The following ZNF791 variants were observed in gnomAD, a reference collection of about 807,000 sequenced individuals.
ZNF791 encodes the protein zinc finger protein 791.
In ZNF791, 4 loss-of-function variants were observed where a neutral mutation model predicts 11.5. That is an observed-to-expected ratio of 0.35 (90% CI 0.17 to 0.80). ZNF791 has a LOEUF of 0.80. Among genes scored for constraint, ZNF791 ranks in the 30% least tolerant of loss-of-function variants. The pLI, the probability that ZNF791 is intolerant of heterozygous loss-of-function variation, is 0.53. For synonymous variants in ZNF791, 212 were observed against 228.1 expected (o/e 0.93, Z 0.64); for missense variants, 559 against 699.4 (o/e 0.80, Z 2.26).
intron 1 of ZNF791, among the ~76,000 whole-genome samples, chr19:12,618,808 AGT>A (rs60468264): frequency 0.11 from 15,762 of 143,462 alleles, 1,092 homozygotes; most frequent in East Asian, 0.34. Context: ...TTTACCTCTC[AGT>A]GTGTGTGTGT....
rs1002904100 is a variant in ZNF791, at chr19:12,631,877, G to C, written c.*2617G>C. ...AGTACTCTTTAAGCAGTGGTCAAAA[G>C]TTTAAAAGGTTGTGTTTTCTCATTA... On this transcript the variant is annotated 3_prime_UTR_variant, in exon 4 of 4. Coordinates refer to ENST00000343325, the MANE Select transcript of ZNF791 (RefSeq NM_153358.3). 6.6e-6 allele frequency: 1 copy of C among 152,118 alleles called. No homozygotes were observed. The highest frequency in any genetic ancestry group is 1.5e-5 in the Non-Finnish European group (1 of 68,018). The allele number at this position is 152,118 out of a possible 1,614,324, so 9.4% of individuals were successfully genotyped here. A position where few individuals can be genotyped will look rare whatever the true frequency, so the allele number is the denominator to read the frequency against.
At chr19:12,615,595 A>C (rs1394389023) in intron 1 of ZNF791, among the ~76,000 whole-genome samples, 3 of 152,084 alleles carry the variant, frequency 2.0e-5, no homozygotes, top group Non-Finnish European at 4.4e-5. Flanking sequence ...CCTGGCCAAC[A>C]TGACAAAACC....
Position 12,628,897 on chromosome 19 carries a change from A to G in ZNF791, c.1368A>G (p.Arg456=). ...GKVFIFPSAL[R]THERTHTGEK... is the part of the protein sequence containing the mutation. ...TGTTCATTTTTCCTAGTGCGTTACG[A>G]ACACATGAAAGAACTCACACTGGAG... Residue 456 remains arginine, a synonymous_variant, in exon 4 of 4, where the codon CGA becomes CGG. Transcript: ENST00000343325. 6.2e-7 allele frequency: 1 copy of G among 1,613,876 alleles called. No individual in the cohort carries two copies. The highest frequency in any genetic ancestry group is 8.5e-7 in the Non-Finnish European group (1 of 1,179,898).
rs1315037306 is a variant in ZNF791, at chr19:12,633,687, G to A, written c.*4427G>A. 3 of 152,104 alleles carry A rather than the reference G, an allele frequency of 2.0e-5. No homozygotes were observed. Among genetic ancestry groups the A allele is most frequent in the Non-Finnish European group, 4.4e-5 (3 of 68,058 alleles). The allele number at this position is 152,104 out of a possible 1,614,324, so 9.4% of individuals were successfully genotyped here. ...CAAGCATCTATTTCAGACTGTCATG[G>A]TTGGCATTGTTCTCTGAGGTTCTGT... On this transcript the variant is annotated 3_prime_UTR_variant, in exon 4 of 4. Coordinates refer to ENST00000343325, the MANE Select transcript of ZNF791 (RefSeq NM_153358.3).
In ZNF791 at chr19:12,630,725, C is replaced by G. The variant is rs995044023; in HGVS notation, c.*1465C>G. ...ACAATGATATTGATGATCCTCACCC[C>G]GTGTAGTCCTACACTAATGTGTGTT... On this transcript the variant is annotated 3_prime_UTR_variant, in exon 4 of 4. Coordinates refer to ENST00000343325, the MANE Select transcript of ZNF791 (RefSeq NM_153358.3). 6.6e-6 allele frequency: 1 copy of G among 151,946 alleles called. No homozygotes were observed. Among genetic ancestry groups the G allele is most frequent in the Non-Finnish European group, 1.5e-5 (1 of 68,026 alleles). The allele number at this position is 151,946 out of a possible 1,614,324, so 9.4% of individuals were successfully genotyped here. A position where few individuals can be genotyped will look rare whatever the true frequency, so the allele number is the denominator to read the frequency against.
intron 1 of ZNF791, among the ~76,000 whole-genome samples, chr19:12,620,766 T>TTC (rs1270122749): frequency 1.3e-4 from 18 of 140,772 alleles, no homozygotes; most frequent in Admixed American, 1.3e-3. Flanking sequence ...TTTTTTTTTT[T>TTC]TTTTTTTTTT....
chr19:12,620,099 ATT>A (rs906233958), intron 1 of ZNF791, among the ~76,000 whole-genome samples: 2 of 149,224 alleles, frequency 1.3e-5, no homozygotes, highest in African/African-American at 4.9e-5. Context: ...AATTTTTTGT[ATT>A]TTTAGTAGAG....
intron 3 of ZNF791, among the ~76,000 whole-genome samples, chr19:12,627,069 T>C (rs1162130790): frequency 6.6e-6 from 1 of 151,438 alleles, no homozygotes; most frequent in African/African-American, 2.4e-5. Flanking sequence ...TAGTCCCAGC[T>C]ACATGGGAGG....
rs201516019 is a variant in ZNF791, at chr19:12,631,635, AG to A, written c.*2376del. The A allele has an allele frequency of 2.8e-3, 431 of 152,268 alleles. 1 individual carries two copies. Among genetic ancestry groups the A allele is most frequent in the Non-Finnish European group, 4.7e-3 (317 of 68,034 alleles). 9.4% of individuals were successfully genotyped at this position (152,268 alleles called of 1,614,324 possible). On this transcript the variant is annotated 3_prime_UTR_variant, in exon 4 of 4. Coordinates refer to ENST00000343325, the MANE Select transcript of ZNF791 (RefSeq NM_153358.3). ...TAATTCCAGCTACTTGGGAGGCTGA[AG>A]CAGGAGAATCATTTGAACCTGGGAG...
At chr19:12,624,325 G>T (rs2145191283) in intron 2 of ZNF791, among the ~76,000 whole-genome samples, 2 of 150,198 alleles carry the variant, frequency 1.3e-5, no homozygotes, top group South Asian at 2.1e-4. Context: ...GCTAATTTTT[G>T]TATTTTTAGT....
At chr19:12,624,162 T>A (rs1335355772) in intron 2 of ZNF791, among the ~76,000 whole-genome samples, 18 of 141,046 alleles carry the variant, frequency 1.3e-4, no homozygotes, top group Non-Finnish European at 2.5e-4. Flanking sequence ...GGCCTTCTTT[T>A]TTTTTTTTTT....
chr19:12,623,651 C>G (rs761959876), intron 1 of ZNF791, 49 bp from the exon 2 acceptor site: 1 of 1,611,068 alleles, frequency 6.2e-7, no homozygotes, highest in East Asian at 2.2e-5. Context: ...GAGGATACCT[C>G]TCATCCTTGT....
intron 2 of ZNF791, among the ~76,000 whole-genome samples, chr19:12,624,296 G>A (rs1555703560): frequency 2.0e-5 from 3 of 151,448 alleles, no homozygotes; most frequent in Non-Finnish European, 4.4e-5. Context: ...GGGATTACAG[G>A]TGCCCACCAC....
At chr19:12,620,195 A>G (rs1344736804) in intron 1 of ZNF791, among the ~76,000 whole-genome samples, 2 of 151,624 alleles carry the variant, frequency 1.3e-5, no homozygotes, top group African/African-American at 4.8e-5. Context: ...GAGCCACCGC[A>G]CCTGGCCTGT....
rs190681562 is a variant in ZNF791, at chr19:12,622,818, G to A, written c.4-882G>A. ...CTGAGGCAGAGAATTGCTTAAACCT[G>A]GAGGGGCGGAGGTTGCAGTGAGCCG... On this transcript the variant is annotated intron_variant, in intron 1 of 3. Transcript: ENST00000343325. Among the ~76,000 whole-genome samples, 126 of 151,802 alleles carry A rather than the reference G, an allele frequency of 8.3e-4. 1 individual carries two copies. The highest frequency in any genetic ancestry group is 2.9e-3 in the African/African-American group (118 of 41,388).
Position 12,628,025 on chromosome 19 carries a change from G to A in ZNF791, c.496G>A (p.Gly166Arg). 1 of 1,612,912 alleles carries A rather than the reference G, an allele frequency of 6.2e-7. No individual in the cohort carries two copies. The highest frequency in any genetic ancestry group is 1.1e-5 in the South Asian group (1 of 90,880). ...AAAACCCTATAAATGTAAACAATGT[G>A]GAAAAACCTTCATATATCACCAGCC... is the stretch of plus-strand genomic sequence containing the variant. ...GEKPYKCKQC[G>R]KTFIYHQPFQ... Residue 166 changes from glycine to arginine, a missense_variant, in exon 4 of 4, where the codon GGA becomes AGA. Physicochemically the swap from Gly to Arg is moderately radical, Grantham distance 125. Transcript: ENST00000343325.
At chr19:12,615,482 C>T (rs557465580) in intron 1 of ZNF791, among the ~76,000 whole-genome samples, 8 of 152,130 alleles carry the variant, frequency 5.3e-5, no homozygotes, top group Admixed American at 5.2e-4. Context: ...AACAATATTT[C>T]ATCATAAGAT....
chr19:12,619,244 G>T lies in ZNF791; in HGVS notation c.4-4456G>T, dbSNP rs554943444. Among the ~76,000 whole-genome samples, 5 of 152,144 alleles carry T rather than the reference G, an allele frequency of 3.3e-5. No homozygotes were observed. The East Asian group carries it at 7.7e-4, about 24-fold the overall frequency. ...CTTTTTCACGGTTTTGTTTTTGTTT[G>T]CTTTGTGGAAAATAATGCTCCTACT... On this transcript the variant is annotated intron_variant, in intron 1 of 3. Coordinates refer to ENST00000343325, the MANE Select transcript of ZNF791 (RefSeq NM_153358.3).
chr19:12,619,408 A>C (rs188281734), intron 1 of ZNF791, among the ~76,000 whole-genome samples: 2 of 150,968 alleles, frequency 1.3e-5, no homozygotes, highest in Admixed American at 6.6e-5. Flanking sequence ...CCGTTTGTAC[A>C]TGATTGTTCT....
Sources: allele counts gnomAD v4.1 joint callset (sites outside exome capture counted in the v4.1 genomes callset), GRCh38; gene constraint gnomAD v4.1.1; transcripts MANE v1.5; gene names NCBI Gene and HGNC (gene_info 2026-07-23, HGNC 2026-07-21).